Variants in USP53 observed in about 807,000 individuals in gnomAD.
USP53 encodes the protein ubiquitin carboxyl-terminal hydrolase 53.
Under a neutral mutation model 94.9 loss-of-function variants are expected in USP53, and 71 were observed. That is an observed-to-expected ratio of 0.75 (90% CI 0.62 to 0.91). The LOEUF (loss-of-function observed/expected upper bound fraction) is 0.91. USP53 is among the 40% of genes least tolerant of loss of function. USP53 has a pLI of 0.00. For missense variants in USP53, 1,173 were observed against 1,281.0 expected, an observed-to-expected ratio of 0.92 and a Z score of 1.29; for synonymous variants, 375 against 422.7, an observed-to-expected ratio of 0.89 and a Z score of 1.39.
At chr4:119,260,285 T>A (rs1321748519) in intron 10 of USP53, among the ~76,000 whole-genome samples, 1 of 152,182 alleles carries the variant, frequency 6.6e-6, no homozygotes, top group Non-Finnish European at 1.5e-5. Flanking sequence ...TAGGTTGAAT[T>A]CTTACTTTAA....
chr4:119,260,486 A>C (rs1392848568), intron 10 of USP53, 21 bp from the exon 11 acceptor site: 1 of 1,608,460 alleles, frequency 6.2e-7, no homozygotes, highest in Admixed American at 1.7e-5. Context: ...ATAATTTTAA[A>C]ACTTTTATGT....
chr4:119,259,463 G>T (rs907209533), intron 9 of USP53, among the ~76,000 whole-genome samples: 2 of 152,104 alleles, frequency 1.3e-5, no homozygotes, highest in Non-Finnish European at 1.5e-5. Flanking sequence ...ACAGTTTGTT[G>T]TTCTTGTTAG....
At chr4:119,227,587 C>T (rs1372790834) in intron 3 of USP53, among the ~76,000 whole-genome samples, 2 of 152,110 alleles carry the variant, frequency 1.3e-5, no homozygotes, top group Non-Finnish European at 2.9e-5. Flanking sequence ...GCCGAGATCG[C>T]GCCACTGCAC....
intron 7 of USP53, 124 bp from the exon 8 acceptor site, chr4:119,256,122 A>G: frequency 1.5e-6 from 1 of 650,876 alleles, no homozygotes; most frequent in Non-Finnish European, 2.5e-6. Context: ...GGAAAGCTGA[A>G]AAGCTAACAA....
chr4:119,267,599 G>A, intron 13 of USP53, 117 bp downstream of exon 13: 1 of 1,177,346 alleles, frequency 8.5e-7, no homozygotes, highest in Non-Finnish European at 1.1e-6. Context: ...ACTTTCAGTA[G>A]AGCTGAGGAA....
At chr4:119,254,595 A>G (rs1307057275) in intron 7 of USP53, among the ~76,000 whole-genome samples, 2 of 152,062 alleles carry the variant, frequency 1.3e-5, no homozygotes, top group East Asian at 1.9e-4. Context: ...TCTTCTCTAC[A>G]CTGTTTATTC....
intron 7 of USP53, among the ~76,000 whole-genome samples, chr4:119,250,725 G>A (rs563783116): frequency 6.6e-6 from 1 of 152,264 alleles, no homozygotes; most frequent in Non-Finnish European, 1.5e-5. Context: ...GAATCCATTG[G>A]TTAAGCTTTG....
At chr4:119,277,687 G>A (rs376498926) in intron 17 of USP53, among the ~76,000 whole-genome samples, 2 of 147,768 alleles carry the variant, frequency 1.4e-5, no homozygotes, top group African/African-American at 5.0e-5. Context: ...TCTGTCTAAT[G>A]TTGACAGTGG....
At chr4:119,236,798 A>G (rs1259602200) in intron 4 of USP53, among the ~76,000 whole-genome samples, 1 of 152,206 alleles carries the variant, frequency 6.6e-6, no homozygotes, top group African/African-American at 2.4e-5. Context: ...AGAGTCATTC[A>G]TAAGTGTTGG....
chr4:119,219,148 A>G (rs916492629), intron 3 of USP53: 1 of 142,194 alleles, frequency 7.0e-6, no homozygotes, highest in African/African-American at 2.5e-5. Flanking sequence ...TCATGGCTTT[A>G]TCAACTATTA....
chr4:119,214,285 A>C (rs547156571), intron 2 of USP53, 63 bp downstream of exon 2: 21 of 152,296 alleles, frequency 1.4e-4, no homozygotes, highest in Admixed American at 1.0e-3. Context: ...AAAGGCTTTT[A>C]AAATAAGCTC....
At chr4:119,242,438 G>T (rs1458464223) in intron 5 of USP53, among the ~76,000 whole-genome samples, 1 of 152,158 alleles carries the variant, frequency 6.6e-6, no homozygotes, top group Non-Finnish European at 1.5e-5. Flanking sequence ...GAATTATGAA[G>T]TTTTCTACTT....
At chr4:119,254,299 A>G (rs1749458212) in intron 7 of USP53, among the ~76,000 whole-genome samples, 1 of 152,274 alleles carries the variant, frequency 6.6e-6, no homozygotes, top group Non-Finnish European at 1.5e-5. Context: ...CTCCTGGATA[A>G]TATCCTGCAG....
intron 14 of USP53, among the ~76,000 whole-genome samples, chr4:119,268,763 A>G (rs980669442): frequency 6.6e-6 from 1 of 152,270 alleles, no homozygotes; most frequent in Non-Finnish European, 1.5e-5. Flanking sequence ...AAATGCCAAA[A>G]TTAAATTTAC....
At chr4:119,234,532 AT>A (rs1307897804) in intron 3 of USP53, among the ~76,000 whole-genome samples, 1 of 152,352 alleles carries the variant, frequency 6.6e-6, no homozygotes, top group East Asian at 1.9e-4. Context: ...TAAAGTGTAT[AT>A]AAAAATAGTT....
chr4:119,271,839 G>A lies in USP53; in HGVS notation c.1979G>A (p.Gly660Glu). The A allele has an allele frequency of 6.2e-7, 1 of 1,613,178 alleles. No individual in the cohort carries two copies. The highest frequency in any genetic ancestry group is 8.5e-7 in the Non-Finnish European group (1 of 1,179,824). Residue 660 changes from glycine to glutamate, a missense_variant, in exon 16 of 19, where the codon GGA (glycine) becomes GAA (glutamate). Transcript: ENST00000692078. ...AGCAGAAGTTCCCTTGAATCTAATG[G>A]AAAAGGAGCAGAGAAAAATAAAGGC... is the stretch of plus-strand genomic sequence containing the variant. ...IGSRSSLESN[G>E]KGAEKNKGLV...
In USP53 at chr4:119,261,721, T is replaced by G; in HGVS notation, c.829T>G (p.Tyr277Asp). 1 of 1,570,042 alleles carries G rather than the reference T, an allele frequency of 6.4e-7. No individual in the cohort carries two copies. Among genetic ancestry groups the G allele is most frequent in the Non-Finnish European group, 8.7e-7 (1 of 1,149,410 alleles). Residue 277 changes from tyrosine (Y) to aspartate (D), a missense_variant, in exon 12 of 19, where the codon TAT (tyrosine) becomes GAT (aspartate). Transcript: ENST00000692078. ...TACCAATTTTTTTAAACAGCTTTTT[T>G]ATAGAGTTACTGATGAAAATGCCAA... ...ATHLYLPGLF[Y>D]RVTDENAKNS...
chr4:119,226,375 A>G (rs1295430643), intron 3 of USP53, among the ~76,000 whole-genome samples: 1 of 152,244 alleles, frequency 6.6e-6, no homozygotes, highest in Non-Finnish European at 1.5e-5. Context: ...AGCAAGAAGT[A>G]AAAGTATCTA....
rs181612133 is a variant in USP53 at position 119,271,387 on chromosome 4, T to C, written c.1527T>C (p.His509=). The C allele has an allele frequency of 2.2e-4, 352 of 1,613,586 alleles. 1 individual carries two copies. Among genetic ancestry groups the C allele is most frequent in the Admixed American group, 6.2e-4 (37 of 59,902 alleles). The change falls in exon 16 of 19, where the codon CAT becomes CAC. Residue 509 remains histidine (H), a synonymous_variant. Coordinates refer to ENST00000692078, the MANE Select transcript of USP53 (RefSeq NM_001371395.1). The part of the protein sequence containing the change: ...FKQHGNPHLY[H]SQGKGSYKHD... ...AACATGGGAATCCACATCTATATCA[T>C]AGTCAAGGAAAAGGATCATATAAAC... is the stretch of plus-strand genomic sequence containing the variant.
Sources: gnomAD v4.1 joint callset for allele counts (sites outside exome capture counted in the v4.1 genomes callset) on GRCh38, gnomAD v4.1.1 for gene constraint, MANE v1.5 for transcripts, NCBI Gene and HGNC (gene_info 2026-07-23, HGNC 2026-07-21) for gene names.